MAP3K12: variants seen among roughly 807,000 people sequenced by gnomAD.
MAP3K12 encodes the protein mitogen-activated protein kinase kinase kinase 12, also known as MAPK-upstream kinase.
MAP3K12 carries 14 observed loss-of-function variants against 87.5 expected under a neutral mutation model. The observed-to-expected ratio is 0.16, with a 90% CI of 0.11 to 0.25. The LOEUF is 0.25. Ranked by LOEUF, MAP3K12 falls within the 10% of genes least tolerant of loss-of-function variation. The pLI is 1.00. For synonymous variants in MAP3K12, 469 were observed against 452.5 expected (o/e 1.04, Z -0.46); for missense variants, 802 against 1,140.4 (o/e 0.70, Z 4.27).
At position 53,486,252 on chromosome 12, in the gene MAP3K12, G is replaced by T; in HGVS notation, c.630-5C>A. On this transcript the variant is annotated splice_polypyrimidine_tract_variant and splice_region_variant and intron_variant, in intron 3 of 13. Transcript: ENST00000547488. This position sits in a 1 kb window ranked among gnomAD's most constrained non-coding sequence, Gnocchi z 4.9. ...GGAGCCTGGGTGCACACACCCCTGG[G>T]AGCCAAACAATGGTATGAAGGCCTC... 6.3e-7 allele frequency: 1 copy of T among 1,596,378 alleles called. No individual in the cohort carries two copies. The highest frequency in any genetic ancestry group is 1.1e-5 in the South Asian group (1 of 88,540).
chr12:53,491,301 A>AAAGAAAAGAAAAG (rs1555212339), intron 1 of MAP3K12, among the ~76,000 whole-genome samples: 7 of 101,568 alleles, frequency 6.9e-5, no homozygotes, highest in African/African-American at 2.6e-4. Flanking sequence ...AAAAAAAAAA[A>AAAGAAAAGAAAAG]AAAAGAAAAG....
Position 53,481,931 on chromosome 12 carries a change from T to G in MAP3K12, c.2580+10A>C. ...GTTCAATATCTGCTTTTTGCTGTTG[T>G]GCCACTCACCCGCTCTCTGAGAAGT... On this transcript the variant is annotated intron_variant, in intron 13 of 13. Transcript: ENST00000547488. 1 of 1,609,074 alleles carries G rather than the reference T, an allele frequency of 6.2e-7. No individual in the cohort carries two copies. Among genetic ancestry groups the G allele is most frequent in the Non-Finnish European group, 8.5e-7 (1 of 1,176,104 alleles).
chr12:53,483,719 C>T lies in MAP3K12; in HGVS notation c.1363G>A (p.Ala455Thr). 1 of 1,613,820 alleles carries T rather than the reference C, an allele frequency of 6.2e-7. No homozygotes were observed. The highest frequency in any genetic ancestry group is 8.5e-7 in the Non-Finnish European group (1 of 1,180,016). ...VMRRREELRH[A>T]LDIREHYERK... Reference sequence around the variant, plus strand: ...TCATAGTGCTCCCTGATGTCCAGGGCGTGTCTGCAACGGGCAGAAAGGTTC... The same window carrying T: ...TCATAGTGCTCCCTGATGTCCAGGGTGTGTCTGCAACGGGCAGAAAGGTTC... Residue 455 changes from alanine (A) to threonine (T), a missense_variant, in exon 9 of 14, where the codon GCC becomes ACC. Coordinates refer to ENST00000547488, the MANE Select transcript of MAP3K12 (RefSeq NM_001193511.2).
chr12:53,496,466 C>A (rs570582424), intron 1 of MAP3K12, among the ~76,000 whole-genome samples: 7 of 152,276 alleles, frequency 4.6e-5, no homozygotes, highest in Admixed American at 4.6e-4. Context: ...CTCAGCCTTA[C>A]CCATGGAGGC....
At chr12:53,490,890 G>A (rs1365482963) in intron 1 of MAP3K12, among the ~76,000 whole-genome samples, 4 of 152,120 alleles carry the variant, frequency 2.6e-5, no homozygotes, top group Admixed American at 6.5e-5. Flanking sequence ...CAGCCTGAGC[G>A]ACAGAGCGAG....
At chr12:53,493,423 G>A (rs1004059675) in intron 1 of MAP3K12, among the ~76,000 whole-genome samples, 1 of 152,244 alleles carries the variant, frequency 6.6e-6, no homozygotes, top group Non-Finnish European at 1.5e-5. Flanking sequence ...GTTGGCATTG[G>A]GGGTGCAGTA....
rs894819217 is a variant in MAP3K12, at chr12:53,491,625, G to C, written c.-37-4197C>G. 3.3e-5 allele frequency among the ~76,000 whole-genome samples: 5 copies of C among 151,634 alleles called. No homozygotes were observed. The East Asian group carries it at 6.0e-4, about 18-fold the overall frequency. ...ATTTTTTCTGTGTTTAGTAGAGACCGGGTTTCACCGTGTTAGCCAGGATAG... is the reference window on the plus strand; with the variant it reads ...ATTTTTTCTGTGTTTAGTAGAGACCCGGTTTCACCGTGTTAGCCAGGATAG... On this transcript the variant is annotated intron_variant, in intron 1 of 13. Transcript: ENST00000547488.
In MAP3K12 at chr12:53,483,595, A is replaced by G. The variant is rs1354772434; in HGVS notation, c.1475+12T>C. ...GCTCCAGGGCTTGGTGCATAAGGAC[A>G]GGTAGGGTTACCTGAGCAGCTCCCT... On this transcript the variant is annotated intron_variant, in intron 9 of 13. Transcript: ENST00000547488. 3.1e-6 allele frequency: 5 copies of G among 1,613,812 alleles called. No individual in the cohort carries two copies. The highest frequency in any genetic ancestry group is 4.2e-6 in the Non-Finnish European group (5 of 1,179,854).
intron 1 of MAP3K12, among the ~76,000 whole-genome samples, chr12:53,495,842 GTCTT>G (rs1191946252): frequency 5.9e-5 from 9 of 152,268 alleles, no homozygotes; most frequent in African/African-American, 2.2e-4. Context: ...CTAAATTCGG[GTCTT>G]TGATTGGTAA....
upstream of MAP3K12, chr12:53,501,434 G>A (rs533321752): frequency 1.9e-6 from 3 of 1,568,986 alleles, no homozygotes; most frequent in Non-Finnish European, 1.7e-6. Flanking sequence ...CAAGGCTCCG[G>A]CACTACCACG....
In MAP3K12 at chr12:53,487,208, C is replaced by T. The variant is rs752485985; in HGVS notation, c.184G>A (p.Gly62Arg). 1.9e-6 allele frequency: 3 copies of T among 1,613,328 alleles called. No individual in the cohort carries two copies. Among genetic ancestry groups the T allele is most frequent in the Non-Finnish European group, 8.5e-7 (1 of 1,179,654 alleles). The change falls in exon 2 of 14, where the codon GGG becomes AGG. Residue 62 changes from glycine to arginine, a missense_variant. Gly to Arg is a moderately radical substitution (Grantham distance 125, BLOSUM62 -2). Transcript: ENST00000547488. ...VVPLGGQGGGGPSPSPGGEPP... is the reference protein window; with the variant it reads ...VVPLGGQGGGRPSPSPGGEPP... ...TCTCCACCTGGGGAGGGGCTGGGCCCTCCCCCACCCTGCCCACCAAGGGGT... is the reference window on the plus strand; with the variant it reads ...TCTCCACCTGGGGAGGGGCTGGGCCTTCCCCCACCCTGCCCACCAAGGGGT...
chr12:53,482,927 C>T lies in MAP3K12; in HGVS notation c.1876G>A (p.Ala626Thr), dbSNP rs769564619. The T allele has an allele frequency of 2.1e-5, 33 of 1,608,496 alleles. No individual in the cohort carries two copies. The highest frequency in any genetic ancestry group is 1.6e-4 in the Middle Eastern group (1 of 6,078). ...AGGTCATGATGAAGCCCACGGAGGG[C>T]GGGAGGGCAGGCCTCCCAGGCTGAG... ...GPSAWEACPP[A>T]LRGLHHDLLL... The change falls in exon 11 of 14, where the codon GCC becomes ACC. Residue 626 changes from alanine (A) to threonine (T), a missense_variant. By Grantham distance (58) the Ala-to-Thr change is moderately conservative. Coordinates refer to ENST00000547488, the MANE Select transcript of MAP3K12 (RefSeq NM_001193511.2).
rs759698629 is a variant in MAP3K12, at chr12:53,487,289, C to T, written c.103G>A (p.Asp35Asn). 1 of 1,613,980 alleles carries T rather than the reference C, an allele frequency of 6.2e-7. No individual in the cohort carries two copies. Among genetic ancestry groups the T allele is most frequent in the South Asian group, 1.1e-5 (1 of 91,078 alleles). ...GTCAGGTCCTTCTCGGGAGTGCAGT[C>T]AGAAGTGTCTGGGTCCAGCTTGCGC... ...SMRKLDPDTS[D>N]CTPEKDLTPT... The change falls in exon 2 of 14, where the codon GAC becomes AAC. Residue 35 changes from aspartate to asparagine, a missense_variant. This residue lies in a region of MAP3K12 where 135 missense variants were observed against 151.6 expected (regional missense o/e 0.89). Transcript: ENST00000547488.
At position 53,480,320 on chromosome 12, in the gene MAP3K12, T is replaced by A. The variant is rs1942968561; in HGVS notation, c.*862A>T. ...GGATGTATCTGCTACCATTTATTCC[T>A]ATAATTTTAGAAAGTTGGGGCTTGA... On this transcript the variant is annotated 3_prime_UTR_variant, in exon 14 of 14. Coordinates refer to ENST00000547488, the MANE Select transcript of MAP3K12 (RefSeq NM_001193511.2). The A allele has an allele frequency of 1.3e-5, 2 of 152,262 alleles. No homozygotes were observed. The highest frequency in any genetic ancestry group is 3.8e-4 in the East Asian group (2 of 5,196). 9.4% of individuals were successfully genotyped at this position (152,262 alleles called of 1,614,324 possible). A position where few individuals can be genotyped will look rare whatever the true frequency, so the allele number is the denominator to read the frequency against.
At chr12:53,482,430 C>G (rs953092074) in intron 11 of MAP3K12, 61 bp from the exon 12 acceptor site, 8 of 1,608,254 alleles carry the variant, frequency 5.0e-6, no homozygotes, top group Non-Finnish European at 6.8e-6. Context: ...ACTAAGAATC[C>G]AGGAGAAGGG....
chr12:53,480,560 A>G lies in MAP3K12; in HGVS notation c.*622T>C, dbSNP rs751811299. On this transcript the variant is annotated 3_prime_UTR_variant, in exon 14 of 14. Coordinates refer to ENST00000547488, the MANE Select transcript of MAP3K12 (RefSeq NM_001193511.2). Reference sequence around the variant, plus strand: ...TTACAGTAGGACAGTCCCCACCCCAATCAGGCACCAGGATAAAAGCAGGGA... The same window carrying G: ...TTACAGTAGGACAGTCCCCACCCCAGTCAGGCACCAGGATAAAAGCAGGGA... 7 of 152,664 alleles carry G rather than the reference A, an allele frequency of 4.6e-5. No individual in the cohort carries two copies. Among genetic ancestry groups the G allele is most frequent in the African/African-American group, 1.2e-4 (5 of 41,426 alleles). The allele number at this position is 152,664 out of a possible 1,614,324, so 9.5% of individuals were successfully genotyped here. A position where few individuals can be genotyped will look rare whatever the true frequency, so the allele number is the denominator to read the frequency against.
upstream of MAP3K12, chr12:53,501,272 C>A: frequency 1.1e-6 from 1 of 880,292 alleles, no homozygotes; most frequent in Non-Finnish European, 1.8e-6. Flanking sequence ...GGGCGGGGGA[C>A]TCCATATCCC....
rs772027425 is a variant in MAP3K12 at position 53,482,650 on chromosome 12, G to A, written c.2153C>T (p.Thr718Ile). Residue 718 changes from threonine (T) to isoleucine (I), a missense_variant, in exon 11 of 14, where the codon ACC becomes ATC. Coordinates refer to ENST00000547488, the MANE Select transcript of MAP3K12 (RefSeq NM_001193511.2). ...VGLLGTGREG[T>I]SGRGGSRAGS... ...AGCCCGGCTTCCTCCCCGGCCTGAG[G>A]TCCCTTCCCTTCCAGTTCCCAGAAG... 4.3e-6 allele frequency: 7 copies of A among 1,613,822 alleles called. No homozygotes were observed. The East Asian group carries it at 1.3e-4, about 31-fold the overall frequency.
At chr12:53,492,343 G>A (rs1330563953) in intron 1 of MAP3K12, among the ~76,000 whole-genome samples, 3 of 152,156 alleles carry the variant, frequency 2.0e-5, no homozygotes, top group Non-Finnish European at 4.4e-5. Context: ...CGCATCACAA[G>A]GGAACCATGG....
Sources: allele counts gnomAD v4.1 joint callset (sites outside exome capture counted in the v4.1 genomes callset), GRCh38; gene constraint gnomAD v4.1.1; regional missense constraint gnomAD v4.1.1; non-coding constraint Gnocchi (gnomAD v3.1); transcripts MANE v1.5; gene names NCBI Gene and HGNC (gene_info 2026-07-23, HGNC 2026-07-21).